PCDHGA1: variants seen among roughly 807,000 people sequenced by gnomAD.
PCDHGA1 encodes the protein protocadherin gamma-A1.
A neutral mutation model predicts 58.0 loss-of-function variants in PCDHGA1; 32 were observed. The ratio of observed to expected loss-of-function variants is 0.55; its 90% CI spans 0.42 to 0.74. The LOEUF (loss-of-function observed/expected upper bound fraction) is 0.74, where lower values mean the gene tolerates loss of function less well. Ranked by LOEUF, PCDHGA1 falls within the 30% of genes least tolerant of loss-of-function variation. The probability of loss-of-function intolerance (pLI) is 0.00; values close to 1 mark genes in which losing one functional copy is unlikely to be tolerated. For missense variants in PCDHGA1, 1,205 were observed against 1,182.3 expected (o/e 1.02, Z -0.28); for synonymous variants, 498 against 501.1 (o/e 0.99, Z 0.08).
chr5:141,355,804 C>T (rs866252857), intron 1 of PCDHGA1: 3 of 1,613,238 alleles, frequency 1.9e-6, no homozygotes, highest in African/African-American at 1.3e-5. Flanking sequence ...CGCTCTAGAT[C>T]GCGAGGAAGA....
intron 1 of PCDHGA1, chr5:141,417,801 G>A (rs368563336): frequency 1.3e-6 from 2 of 1,490,494 alleles, no homozygotes; most frequent in South Asian, 1.4e-5. Context: ...CTTTTAGCGC[G>A]GTAGAGTGCA....
chr5:141,472,980 C>CAAAAAAAAAAA (rs60579131), intron 1 of PCDHGA1, among the ~76,000 whole-genome samples: 11 of 86,030 alleles, frequency 1.3e-4, no homozygotes, highest in Non-Finnish European at 1.3e-4. Flanking sequence ...GAGTGAAACT[C>CAAAAAAAAAAA]AAAAAAAAAA....
intron 1 of PCDHGA1, chr5:141,468,667 CCATCCTGGCTAA>C (rs2099172391): frequency 6.7e-6 from 1 of 149,836 alleles, no homozygotes; most frequent in African/African-American, 2.5e-5. Flanking sequence ...GAGATCAAGA[CCATCCTGGCTAA>C]CACGGTGAAA....
In PCDHGA1 at chr5:141,364,524, G is replaced by T. The variant is rs773568307; in HGVS notation, c.2421+31419G>T. The T allele has an allele frequency of 1.3e-5, 21 of 1,613,938 alleles. No individual in the cohort carries two copies. The highest frequency in any genetic ancestry group is 1.7e-5 in the Non-Finnish European group (20 of 1,179,924). On this transcript the variant is annotated intron_variant, in intron 1 of 3. Transcript: ENST00000517417. Reference sequence around the variant, plus strand: ...CAGGAGCTGGCGGAGCGCGGAGTCCGCATCGTCTCCAGAGGTAGGACGCAG... The same window carrying T: ...CAGGAGCTGGCGGAGCGCGGAGTCCTCATCGTCTCCAGAGGTAGGACGCAG...
chr5:141,410,847 G>GTTT (rs773839667), intron 1 of PCDHGA1: 4 of 158,330 alleles, frequency 2.5e-5, no homozygotes, highest in South Asian at 1.1e-4. Context: ...TTTTGTCTTT[G>GTTT]TCTTTTTTTT....
chr5:141,481,066 A>G (rs1366968394), intron 1 of PCDHGA1, among the ~76,000 whole-genome samples: 1 of 152,156 alleles, frequency 6.6e-6, no homozygotes, highest in Non-Finnish European at 1.5e-5. Flanking sequence ...TCAAAAACAA[A>G]AAGAAAGAAA....
intron 1 of PCDHGA1, chr5:141,413,902 G>A: frequency 1.9e-6 from 3 of 1,613,252 alleles, no homozygotes; most frequent in East Asian, 2.2e-5. Flanking sequence ...AAATGACAAC[G>A]CGCCGGTCTT....
chr5:141,369,001 A>G (rs974961840), intron 1 of PCDHGA1, among the ~76,000 whole-genome samples: 2 of 152,152 alleles, frequency 1.3e-5, no homozygotes, highest in Non-Finnish European at 2.9e-5. Flanking sequence ...TCGGTGTGGA[A>G]CTCATTGCTT....
chr5:141,471,786 A>AT (rs531568169), intron 1 of PCDHGA1, among the ~76,000 whole-genome samples: 23 of 152,362 alleles, frequency 1.5e-4, no homozygotes, highest in African/African-American at 5.5e-4. Flanking sequence ...ACATTATGCT[A>AT]TGTCATATAA....
chr5:141,357,567 G>C (rs751974557), intron 1 of PCDHGA1: 39 of 1,614,096 alleles, frequency 2.4e-5, no homozygotes, highest in Non-Finnish European at 3.2e-5. Context: ...AGAAAAGCGA[G>C]CCTCTTCTGA....
At chr5:141,415,114 G>T in intron 1 of PCDHGA1, 5 of 1,613,648 alleles carry the variant, frequency 3.1e-6, no homozygotes, top group Non-Finnish European at 4.2e-6. Flanking sequence ...GCAAAGCCTC[G>T]TAGTGGCCGT....
chr5:141,331,045 G>T lies in PCDHGA1; in HGVS notation c.361G>T (p.Val121Leu). ...TAAAATGAAGCTTTTTCCTGTTGAA[G>T]TAGAAATAATTGATATTAATGACAA... ...EDKMKLFPVE[V>L]EIIDINDNTP... The change falls in exon 1 of 4, where the codon GTA becomes TTA. Residue 121 changes from valine (V) to leucine (L), a missense_variant. Transcript: ENST00000517417. 1 of 1,600,926 alleles carries T rather than the reference G, an allele frequency of 6.2e-7. No individual in the cohort carries two copies.
At chr5:141,372,646 C>A in intron 1 of PCDHGA1, 2 of 1,614,008 alleles carry the variant, frequency 1.2e-6, no homozygotes, top group Non-Finnish European at 1.7e-6. Context: ...TTGCCTTATT[C>A]CTACAATCCG....
chr5:141,430,619 A>G lies in PCDHGA1; in HGVS notation c.2422-64188A>G, dbSNP rs192473783. ...CGCCTGAAGCACAAAGCAGATAGCT[A>G]GGAATGAACCATCCCTGGGAGTATG... On this transcript the variant is annotated intron_variant, in intron 1 of 3. Coordinates refer to ENST00000517417, the MANE Select transcript of PCDHGA1 (RefSeq NM_018912.3). 9.4e-5 allele frequency: 68 copies of G among 720,190 alleles called. 1 individual carries two copies. The African/African-American group carries it at 1.1e-3, about 12-fold the overall frequency. 44.6% of individuals were successfully genotyped at this position (720,190 alleles called of 1,614,324 possible). A position where few individuals can be genotyped will look rare whatever the true frequency, so the allele number is the denominator to read the frequency against.
intron 1 of PCDHGA1, chr5:141,360,076 T>G (rs890042967): frequency 6.8e-7 from 1 of 1,480,000 alleles, no homozygotes; most frequent in African/African-American, 1.4e-5. Context: ...TTAGCCCGGA[T>G]TCTGCCATCC....
intron 1 of PCDHGA1, chr5:141,394,811 C>G (rs1225635250): frequency 7.4e-6 from 12 of 1,613,770 alleles, no homozygotes; most frequent in Non-Finnish European, 1.0e-5. Flanking sequence ...CCGTGGCTGA[C>G]AGCATCCCCG....
intron 1 of PCDHGA1, chr5:141,428,912 T>C (rs1010303812): frequency 6.6e-6 from 1 of 151,946 alleles, no homozygotes; most frequent in Non-Finnish European, 1.5e-5. Context: ...TGGAGTGCAG[T>C]GGCATGATCT....
At position 141,490,003 on chromosome 5, in the gene PCDHGA1, G is replaced by A. The variant is rs2099694760; in HGVS notation, c.2422-4804G>A. On this transcript the variant is annotated intron_variant, in intron 1 of 3. Transcript: ENST00000517417. This position sits in a 1 kb window ranked among gnomAD's most constrained non-coding sequence, Gnocchi z 5.4. ...TCTACGTGTGGGAATCCCAGAGAAT[G>A]CACCCATTGGTACTCTGCTGCTCCG... 6.2e-7 allele frequency: 1 copy of A among 1,614,204 alleles called. No homozygotes were observed. Among genetic ancestry groups the A allele is most frequent in the Non-Finnish European group, 8.5e-7 (1 of 1,180,008 alleles).
chr5:141,372,258 C>T (rs762173867), intron 1 of PCDHGA1: 1 of 1,613,070 alleles, frequency 6.2e-7, no homozygotes, highest in African/African-American at 1.3e-5. Context: ...CCTGGGCCTG[C>T]GCACGGGTGA....
Sources: allele counts gnomAD v4.1 joint callset (sites outside exome capture counted in the v4.1 genomes callset), GRCh38; gene constraint gnomAD v4.1.1; non-coding constraint Gnocchi (gnomAD v3.1); transcripts MANE v1.5; gene names NCBI Gene and HGNC (gene_info 2026-07-23, HGNC 2026-07-21).